Variants in DMD observed in about 807,000 individuals in gnomAD.
DMD encodes dystrophin.
In DMD, 63 loss-of-function variants were observed where a neutral mutation model predicts 330.1. That is an observed-to-expected ratio of 0.19 (90% CI 0.16 to 0.24). DMD has a LOEUF of 0.24. DMD is among the 10% of genes least tolerant of loss of function. The pLI is 1.00. For missense variants in DMD, 3,344 were observed against 2,684.1 expected (o/e 1.25, Z -5.43); for synonymous variants, 1,223 against 959.8 (o/e 1.27, Z -5.07).
intron 2 of DMD, among the ~76,000 whole-genome samples, chrX:32,879,309 T>C (rs1444294121): frequency 9.0e-6 from 1 of 111,615 alleles, no homozygotes; most frequent in African/African-American, 3.3e-5. Flanking sequence ...ATAAACAGCA[T>C]TGGAGGAAGA....
In DMD at chrX:32,049,564, C is replaced by T. The variant is rs750334391; in HGVS notation, c.6439-81050G>A. Among the ~76,000 whole-genome samples, 4 of 111,383 alleles carry T rather than the reference C, an allele frequency of 3.6e-5. No homozygotes were observed. The Admixed American group carries it at 3.8e-4, about 11-fold the overall frequency. On this transcript the variant is annotated intron_variant, in intron 44 of 78. Coordinates refer to ENST00000357033, the MANE Select transcript of DMD (RefSeq NM_004006.3). ...AGAGTCTCCATTTTCTATAAGCGAG[C>T]CCCCTCCACAAACGCACCATTAAAC...
intron 11 of DMD, among the ~76,000 whole-genome samples, chrX:32,640,143 A>C (rs895780008): frequency 1.8e-5 from 2 of 109,490 alleles, no homozygotes; most frequent in Non-Finnish European, 3.8e-5. Flanking sequence ...GAAAATATCA[A>C]ATTACATATA....
intron 52 of DMD, among the ~76,000 whole-genome samples, chrX:31,712,168 C>T (rs1249339280): frequency 9.0e-6 from 1 of 111,541 alleles, no homozygotes; most frequent in Non-Finnish European, 1.9e-5. Flanking sequence ...ATGCTTCTGG[C>T]AGGAAAATGC....
At chrX:32,283,323 G>A (rs781252380) in intron 43 of DMD, among the ~76,000 whole-genome samples, 4 of 111,421 alleles carry the variant, frequency 3.6e-5, no homozygotes, top group South Asian at 3.8e-4. Flanking sequence ...GCATTATTGC[G>A]GTCATAGCTA....
intron 72 of DMD, 62 bp from the exon 73 acceptor site, chrX:31,172,475 T>C: frequency 2.4e-6 from 2 of 822,612 alleles, no homozygotes; most frequent in Non-Finnish European, 3.7e-6. Context: ...ATTCAAGACC[T>C]AATCGAACAT....
intron 2 of DMD, among the ~76,000 whole-genome samples, chrX:32,916,509 T>G (rs1224527754): frequency 1.8e-5 from 2 of 111,815 alleles, no homozygotes; most frequent in South Asian, 3.7e-4. Context: ...ACTTTACCTC[T>G]GACAGTAGGT....
At chrX:32,894,575 G>A (rs1196879182) in intron 2 of DMD, among the ~76,000 whole-genome samples, 2 of 112,412 alleles carry the variant, frequency 1.8e-5, no homozygotes, top group African/African-American at 6.5e-5. Context: ...CCAAAACTCG[G>A]GGCCTCAATC....
At chrX:32,388,621 T>C (rs2097977691) in intron 32 of DMD, among the ~76,000 whole-genome samples, 1 of 110,727 alleles carries the variant, frequency 9.0e-6, no homozygotes, top group Non-Finnish European at 1.9e-5. Flanking sequence ...ATGACTACGA[T>C]GTATCTGAAG....
rs758060615 is a variant in DMD at position 32,426,031 on chromosome X, G to A, written c.4071+12210C>T. ...AAAGCAAAACTTTAAAAACCCTGGA[G>A]GATAACCTAGGCAATACCATCCTGG... is the stretch of plus-strand genomic sequence containing the variant. On this transcript the variant is annotated intron_variant, in intron 29 of 78. Transcript: ENST00000357033. Among the ~76,000 whole-genome samples, 3 of 111,656 alleles carry A rather than the reference G, an allele frequency of 2.7e-5. No individual in the cohort carries two copies. In the South Asian group the frequency reaches 1.1e-3, roughly 41 times the overall value.
At chrX:33,204,343 G>T (rs1485280677) in intron 1 of DMD, among the ~76,000 whole-genome samples, 1 of 111,799 alleles carries the variant, frequency 8.9e-6, no homozygotes, top group African/African-American at 3.2e-5. Context: ...AGCTGTACTT[G>T]TTTTAGATCT....
chrX:33,231,583 C>T (rs1461189720), intron 1 of DMD, among the ~76,000 whole-genome samples: 1 of 111,360 alleles, frequency 9.0e-6, no homozygotes, highest in Non-Finnish European at 1.9e-5. Flanking sequence ...TAAAACAGTA[C>T]AAAGGAACTA....
chrX:32,980,317 G>A (rs1331638465), intron 2 of DMD, among the ~76,000 whole-genome samples: 1 of 88,713 alleles, frequency 1.1e-5, no homozygotes, highest in Non-Finnish European at 2.1e-5. Flanking sequence ...AGTGAACCGA[G>A]ATCGCGCCAC....
intron 17 of DMD, among the ~76,000 whole-genome samples, chrX:32,536,393 T>A (rs777390204): frequency 1.8e-5 from 2 of 109,953 alleles, no homozygotes; most frequent in Non-Finnish European, 3.8e-5. Context: ...AAGAAAGGTA[T>A]CTAAAGAGAA....
At chrX:32,664,222 G>C (rs1278638346) in intron 9 of DMD, among the ~76,000 whole-genome samples, 1 of 107,997 alleles carries the variant, frequency 9.3e-6, no homozygotes, top group Non-Finnish European at 1.9e-5. Flanking sequence ...ACCTGGTTAA[G>C]GTGGACCTGG....
At chrX:31,513,811 T>G (rs1174336730) in intron 55 of DMD, among the ~76,000 whole-genome samples, 1 of 111,577 alleles carries the variant, frequency 9.0e-6, no homozygotes, top group African/African-American at 3.3e-5. Context: ...GAGCTCATTT[T>G]CTCCTCTCAA....
At chrX:32,081,113 C>T (rs2096388307) in intron 44 of DMD, among the ~76,000 whole-genome samples, 1 of 112,129 alleles carries the variant, frequency 8.9e-6, no homozygotes, top group African/African-American at 3.2e-5. Flanking sequence ...AGGGAAGTCC[C>T]TTACCTTGTG....
chrX:32,044,775 G>T (rs2096049031), intron 44 of DMD, among the ~76,000 whole-genome samples: 1 of 111,678 alleles, frequency 9.0e-6, no homozygotes, highest in African/African-American at 3.3e-5. Context: ...TGTTAATATG[G>T]TGCCCACTGT....
chrX:31,647,980 G>C (rs2080202917), intron 54 of DMD, among the ~76,000 whole-genome samples: 1 of 111,979 alleles, frequency 8.9e-6, no homozygotes, highest in Admixed American at 9.5e-5. Flanking sequence ...TAAAACATTG[G>C]CTGGAAGAAT....
intron 51 of DMD, among the ~76,000 whole-genome samples, chrX:31,759,799 A>G (rs1326270902): frequency 8.9e-6 from 1 of 112,016 alleles, no homozygotes; most frequent in Non-Finnish European, 1.9e-5. Flanking sequence ...TGGTAGGTAC[A>G]TCATGGTGAG....
Sources: gnomAD v4.1 joint callset for allele counts (sites outside exome capture counted in the v4.1 genomes callset) on GRCh38, gnomAD v4.1.1 for gene constraint, MANE v1.5 for transcripts, NCBI Gene and HGNC (gene_info 2026-07-23, HGNC 2026-07-21) for gene names.